The following ZNF567 variants were observed in gnomAD, a reference collection of about 807,000 sequenced individuals.
ZNF567 encodes zinc finger protein 567.
ZNF567 carries 36 observed loss-of-function variants against 53.9 expected under a neutral mutation model. The observed-to-expected ratio is 0.67, with a 90% confidence interval of 0.51 to 0.88. The LOEUF (loss-of-function observed/expected upper bound fraction) is 0.88. Among genes scored for constraint, ZNF567 ranks in the 40% least tolerant of loss-of-function variants. The probability of loss-of-function intolerance (pLI) is 0.00; values close to 1 mark genes in which losing one functional copy is unlikely to be tolerated. For synonymous variants in ZNF567, 224 were observed against 260.4 expected (o/e 0.86, Z 1.35); for missense variants, 619 against 764.7 (o/e 0.81, Z 2.25).
intron 2 of ZNF567, among the ~76,000 whole-genome samples, chr19:36,691,849 T>C (rs1227673942): frequency 6.6e-6 from 1 of 152,176 alleles, no homozygotes; most frequent in Non-Finnish European, 1.5e-5. Context: ...AGTCTCACTA[T>C]GTTGCCCAGG....
chr19:36,678,317 T>C, the ZNF567 span, among the ~76,000 whole-genome samples: 1 of 152,196 alleles, frequency 6.6e-6, no homozygotes, highest in African/African-American at 2.4e-5. Flanking sequence ...GCTCCTTCTA[T>C]AATTCTTCCA....
intron 5 of ZNF567, 118 bp downstream of exon 5, chr19:36,712,985 C>A: frequency 1.3e-6 from 1 of 774,826 alleles, no homozygotes; most frequent in African/African-American, 1.8e-5. Flanking sequence ...CTCTTGACCT[C>A]TGAAAACCTT....
downstream of ZNF567, among the ~76,000 whole-genome samples, chr19:36,726,911 T>A (rs1308960380): frequency 6.6e-6 from 1 of 151,652 alleles, no homozygotes; most frequent in Admixed American, 6.6e-5. Flanking sequence ...CTAGGTTCCC[T>A]ACTCAGCCTT....
intron 2 of ZNF567, among the ~76,000 whole-genome samples, chr19:36,694,068 T>G (rs3108186): frequency 1.3e-5 from 2 of 151,952 alleles, no homozygotes; most frequent in East Asian, 3.9e-4. Flanking sequence ...GTGTGTCTTT[T>G]GTCCTAGCTA....
upstream of ZNF567, among the ~76,000 whole-genome samples, chr19:36,684,732 T>C (rs1265689480): frequency 6.6e-6 from 1 of 152,166 alleles, no homozygotes; most frequent in African/African-American, 2.4e-5. Flanking sequence ...AAATGGAATT[T>C]TGGTCTGATG....
rs1205174659 is a variant in ZNF567 at position 36,712,861 on chromosome 19, T to A, written c.217T>A (p.Cys73Ser). The change falls in exon 5 of 6, where the codon TGC becomes AGC. Residue 73 changes from cysteine (C) to serine (S), a missense_variant. By Grantham distance (112) the Cys-to-Ser change is moderately radical. Transcript: ENST00000682579. Reference protein sequence around the residue: ...EPWTSFAGHTCLEENWKAEDF... With the variant: ...EPWTSFAGHTSLEENWKAEDF... ...ATGGACATCATTTGCAGGTCATACCTGCTTGGGTGAGTTTCTGGCTCTTAG... is the reference window on the plus strand; with the variant it reads ...ATGGACATCATTTGCAGGTCATACCAGCTTGGGTGAGTTTCTGGCTCTTAG... The A allele has an allele frequency of 3.3e-5, 53 of 1,613,290 alleles. No individual in the cohort carries two copies. Among genetic ancestry groups the A allele is most frequent in the Non-Finnish European group, 4.3e-5 (51 of 1,179,488 alleles).
In ZNF567 at chr19:36,720,603, AGTTAT is replaced by A; in HGVS notation, c.1880_1884del (p.Ser627LysfsTer17). On this transcript the variant is annotated frameshift_variant, in exon 6 of 6. Coordinates refer to ENST00000682579, the MANE Select transcript of ZNF567 (RefSeq NM_001322917.1). LOFTEE classifies it high-confidence loss of function. ...TTGTAATGAGTGTGGTAAGTCTTTC[AGTTAT>A]AAGAGAAACCTCATTGTCCATCAAA... 1 of 1,596,096 alleles carries A rather than the reference AGTTAT, an allele frequency of 6.3e-7. No individual in the cohort carries two copies. Among genetic ancestry groups the A allele is most frequent in the South Asian group, 1.1e-5 (1 of 87,450 alleles).
chr19:36,724,565 C>G (rs1014406554), downstream of ZNF567, among the ~76,000 whole-genome samples: 1 of 151,568 alleles, frequency 6.6e-6, no homozygotes, highest in Non-Finnish European at 1.5e-5. Context: ...GCCTGTAATC[C>G]CAGCTACTCT....
chr19:36,701,339 C>G (rs531780904), intron 3 of ZNF567, among the ~76,000 whole-genome samples: 2 of 151,584 alleles, frequency 1.3e-5, no homozygotes, highest in Admixed American at 6.6e-5. Flanking sequence ...AGCTTTACTT[C>G]CAAGTATGTG....
downstream of ZNF567, among the ~76,000 whole-genome samples, chr19:36,726,093 T>C (rs1303647605): frequency 6.6e-6 from 1 of 152,248 alleles, no homozygotes; most frequent in Admixed American, 6.5e-5. Context: ...TTTGAGTTTA[T>C]TTTAGTTATA....
Position 36,720,643 on chromosome 19 carries a change from A to C in ZNF567, c.1919A>C (p.Lys640Thr). Reference protein sequence around the residue: ...RNLIVHQRTHKGENIEMQ With the variant: ...RNLIVHQRTHTGENIEMQ Reference sequence around the variant, plus strand: ...CTCATTGTCCATCAAAGAACTCACAAGGGAGAAAACATTGAAATGCAATAA... The same window carrying C: ...CTCATTGTCCATCAAAGAACTCACACGGGAGAAAACATTGAAATGCAATAA... The change falls in exon 6 of 6, where the codon AAG (lysine) becomes ACG (threonine). Residue 640 changes from lysine to threonine, a missense_variant. Coordinates refer to ENST00000682579, the MANE Select transcript of ZNF567 (RefSeq NM_001322917.1). 1 of 1,553,314 alleles carries C rather than the reference A, an allele frequency of 6.4e-7. No homozygotes were observed. Among genetic ancestry groups the C allele is most frequent in the Non-Finnish European group, 8.7e-7 (1 of 1,152,226 alleles).
intron 5 of ZNF567, among the ~76,000 whole-genome samples, chr19:36,715,500 AATAATAATAATTATTATT>A (rs58693877): frequency 0.093 from 6,918 of 74,194 alleles, 405 homozygotes; most frequent in East Asian, 0.36. Flanking sequence ...TAATAATAAT[AATAATAATAATTATTATT>A]ATTATTATTA....
At chr19:36,671,848 G>A in the ZNF567 span, among the ~76,000 whole-genome samples, 1 of 152,226 alleles carries the variant, frequency 6.6e-6, no homozygotes, top group Non-Finnish European at 1.5e-5. Flanking sequence ...ATTAAATTGA[G>A]TGTACACAGC....
At chr19:36,721,732 C>CTTTTTTTTTTTTTTT (rs756276834), downstream of ZNF567, among the ~76,000 whole-genome samples, 25 of 121,668 alleles carry the variant, frequency 2.1e-4, 1 homozygote, top group Admixed American at 1.8e-3. Flanking sequence ...GTACCAGAGT[C>CTTTTTTTTTTTTTTT]TTTTTTTTTT....
At chr19:36,704,611 TATG>T (rs2039397224) in intron 3 of ZNF567, among the ~76,000 whole-genome samples, 1 of 152,136 alleles carries the variant, frequency 6.6e-6, no homozygotes, top group Admixed American at 6.5e-5. Flanking sequence ...ATATATTAAA[TATG>T]ATGAATTTGC....
intron 3 of ZNF567, among the ~76,000 whole-genome samples, chr19:36,704,296 C>G (rs2039377590): frequency 6.6e-6 from 1 of 152,118 alleles, no homozygotes; most frequent in African/African-American, 2.4e-5. Context: ...TGGTGGGCGC[C>G]TGTAATCCTA....
At chr19:36,674,524 A>G in the ZNF567 span, among the ~76,000 whole-genome samples, 1 of 152,168 alleles carries the variant, frequency 6.6e-6, no homozygotes, top group Non-Finnish European at 1.5e-5. Context: ...CCTCTTACTG[A>G]TAGCAGGGCA....
upstream of ZNF567, chr19:36,686,908 C>T (rs1250588192): frequency 6.6e-6 from 1 of 152,160 alleles, no homozygotes; most frequent in African/African-American, 2.4e-5. Context: ...CCGCCAGGAT[C>T]CCCTGTGTCA....
At chr19:36,721,964 C>T (rs1949442221), downstream of ZNF567, among the ~76,000 whole-genome samples, 1 of 151,860 alleles carries the variant, frequency 6.6e-6, no homozygotes, top group Non-Finnish European at 1.5e-5. Flanking sequence ...AGACTGGTCT[C>T]GAACTCCTGA....
Sources: gnomAD v4.1 joint callset for allele counts (sites outside exome capture counted in the v4.1 genomes callset) on GRCh38, gnomAD v4.1.1 for gene constraint, MANE v1.5 for transcripts, NCBI Gene and HGNC (gene_info 2026-07-23, HGNC 2026-07-21) for gene names.